Variants in TNPO1 observed in about 807,000 individuals in gnomAD.
TNPO1 encodes transportin-1.
A neutral mutation model predicts 119.5 loss-of-function variants in TNPO1; 8 were observed. The observed-to-expected ratio is 0.07, with a 90% confidence interval of 0.04 to 0.12. TNPO1 has a LOEUF of 0.12. Ranked by LOEUF, TNPO1 falls within the 10% of genes least tolerant of loss-of-function variation. The pLI is 1.00. For missense variants in TNPO1, 576 were observed against 1,089.8 expected (o/e 0.53, Z 6.64); for synonymous variants, 362 against 363.0 (o/e 1.00, Z 0.03).
chr5:72,906,765 T>C (rs534918471), intron 24 of TNPO1, among the ~76,000 whole-genome samples: 2 of 152,302 alleles, frequency 1.3e-5, no homozygotes, highest in Admixed American at 6.5e-5. Context: ...TACTATACTG[T>C]ATGTGATGCC....
chr5:72,884,843 C>T (rs1292478633), intron 11 of TNPO1, among the ~76,000 whole-genome samples: 1 of 152,078 alleles, frequency 6.6e-6, no homozygotes, highest in Non-Finnish European at 1.5e-5. Context: ...TAAGCAGCAT[C>T]CCTGGCCTCT....
intron 3 of TNPO1, among the ~76,000 whole-genome samples, chr5:72,852,692 C>T (rs1450789513): frequency 1.3e-5 from 2 of 152,158 alleles, no homozygotes; most frequent in Non-Finnish European, 2.9e-5. Flanking sequence ...AGTAAAAACT[C>T]ACTGATTTGT....
chr5:72,820,966 C>G (rs996223757), intron 1 of TNPO1, among the ~76,000 whole-genome samples: 9 of 151,898 alleles, frequency 5.9e-5, no homozygotes, highest in Non-Finnish European at 8.8e-5. Context: ...GATCTTAACA[C>G]AAATAGGTGA....
At chr5:72,884,929 A>G (rs1182744916) in intron 11 of TNPO1, among the ~76,000 whole-genome samples, 2 of 152,226 alleles carry the variant, frequency 1.3e-5, no homozygotes, top group African/African-American at 2.4e-5. Flanking sequence ...ACCCCAGTTT[A>G]GAGCCACTAC....
At chr5:72,842,853 G>A (rs1306629131) in intron 1 of TNPO1, among the ~76,000 whole-genome samples, 1 of 152,108 alleles carries the variant, frequency 6.6e-6, no homozygotes, top group Non-Finnish European at 1.5e-5. Context: ...CACAAGCTTT[G>A]TATTATCCTT....
chr5:72,849,550 T>C (rs953720291), intron 2 of TNPO1, among the ~76,000 whole-genome samples: 9 of 152,220 alleles, frequency 5.9e-5, no homozygotes, highest in African/African-American at 2.2e-4. Flanking sequence ...TGAAGTTATT[T>C]ACCCCGAGGG....
intron 8 of TNPO1, 80 bp from the exon 9 acceptor site, chr5:72,877,148 G>A (rs2112390141): frequency 3.0e-6 from 2 of 672,516 alleles, no homozygotes; most frequent in Non-Finnish European, 4.8e-6. Flanking sequence ...AAGGTCAAAA[G>A]CTTGCTTGAT....
At chr5:72,882,552 G>A (rs777808958) in intron 10 of TNPO1, 25 bp downstream of exon 10, 2 of 1,546,914 alleles carry the variant, frequency 1.3e-6, no homozygotes, top group East Asian at 2.3e-5. Context: ...TTGATGAATA[G>A]GGAACAAGAT....
At chr5:72,869,506 C>T (rs181911762) in intron 6 of TNPO1, among the ~76,000 whole-genome samples, 2 of 152,260 alleles carry the variant, frequency 1.3e-5, no homozygotes, top group East Asian at 3.9e-4. Context: ...GACATTGCGC[C>T]ACTGCACTCC....
At position 72,909,948 on chromosome 5, in the gene TNPO1, A is replaced by G. The variant is rs1304553724; in HGVS notation, c.*1275A>G. The G allele has an allele frequency of 6.6e-6, 1 of 152,630 alleles. No homozygotes were observed. Among genetic ancestry groups the G allele is most frequent in the African/African-American group, 2.4e-5 (1 of 41,456 alleles). The allele number at this position is 152,630 out of a possible 1,614,324, so 9.5% of individuals were successfully genotyped here. A position where few individuals can be genotyped will look rare whatever the true frequency, so the allele number is the denominator to read the frequency against. ...GATTTTATCAAAACTTCTAAAATTT[A>G]AATTACGTGGTAAAAGATCTGTAAA... On this transcript the variant is annotated 3_prime_UTR_variant, in exon 25 of 25. Coordinates refer to ENST00000337273, the MANE Select transcript of TNPO1 (RefSeq NM_002270.4).
At chr5:72,841,581 C>T (rs1007240646) in intron 1 of TNPO1, among the ~76,000 whole-genome samples, 2 of 151,972 alleles carry the variant, frequency 1.3e-5, no homozygotes, top group East Asian at 1.9e-4. Flanking sequence ...CCTTGTGATC[C>T]GCCCGCCTCG....
At chr5:72,832,618 TAGTG>T (rs1744523813) in intron 1 of TNPO1, among the ~76,000 whole-genome samples, 2 of 152,166 alleles carry the variant, frequency 1.3e-5, no homozygotes, top group African/African-American at 4.8e-5. Context: ...GCTAGCATCA[TAGTG>T]AGAGTAAATT....
At chr5:72,872,865 GTAT>G in intron 7 of TNPO1, 145 bp downstream of exon 7, 1 of 502,752 alleles carries the variant, frequency 2.0e-6, no homozygotes, top group South Asian at 4.4e-5. Flanking sequence ...ATTTCTGATA[GTAT>G]TAAAACTGGA....
In TNPO1 at chr5:72,882,447, A is replaced by G. The variant is rs1580450506; in HGVS notation, c.921-20A>G. 2.5e-6 allele frequency: 4 copies of G among 1,592,254 alleles called. No individual in the cohort carries two copies. The highest frequency in any genetic ancestry group is 3.4e-6 in the Non-Finnish European group (4 of 1,165,826). On this transcript the variant is annotated intron_variant, in intron 9 of 24. Transcript: ENST00000337273. ...CTTGAGATCTTAAGGTCTTTGTTTC[A>G]TGAATTTCTTTCTTTATAGGTTGAT...
chr5:72,833,857 G>C (rs1424720771), intron 1 of TNPO1, among the ~76,000 whole-genome samples: 1 of 152,088 alleles, frequency 6.6e-6, no homozygotes, highest in Non-Finnish European at 1.5e-5. Flanking sequence ...CAGAATATAT[G>C]CTGCTGTTTT....
intron 18 of TNPO1, among the ~76,000 whole-genome samples, chr5:72,895,930 G>T (rs1749396146): frequency 6.6e-6 from 1 of 152,258 alleles, no homozygotes; most frequent in African/African-American, 2.4e-5. Context: ...GAGAACTTAA[G>T]TTGGCTCCCG....
chr5:72,853,064 G>A (rs910088219), intron 3 of TNPO1, among the ~76,000 whole-genome samples: 1 of 152,032 alleles, frequency 6.6e-6, no homozygotes, highest in African/African-American at 2.4e-5. Context: ...CCAAATATTA[G>A]GATTGTTACA....
At chr5:72,845,727 GA>G (rs1324568038) in intron 1 of TNPO1, among the ~76,000 whole-genome samples, 5 of 152,140 alleles carry the variant, frequency 3.3e-5, no homozygotes, top group Non-Finnish European at 7.4e-5. Flanking sequence ...TGTTTGAAAA[GA>G]AAACCCTAGT....
intron 2 of TNPO1, among the ~76,000 whole-genome samples, chr5:72,849,480 G>T (rs1745388665): frequency 6.6e-6 from 1 of 152,154 alleles, no homozygotes; most frequent in Non-Finnish European, 1.5e-5. Flanking sequence ...ACTTAATATG[G>T]AGTTTGGTAA....
Sources: gnomAD v4.1 joint callset for allele counts (sites outside exome capture counted in the v4.1 genomes callset) on GRCh38, gnomAD v4.1.1 for gene constraint, MANE v1.5 for transcripts, NCBI Gene and HGNC (gene_info 2026-07-23, HGNC 2026-07-21) for gene names.